The following NRG3 variants were observed in gnomAD, a reference collection of about 807,000 sequenced individuals.
NRG3 encodes the protein neuregulin 3, also known as pro-neuregulin-3, membrane-bound isoform.
In NRG3, 31 loss-of-function variants were observed where a neutral mutation model predicts 66.9. That is an observed-to-expected ratio of 0.46 (90% CI 0.35 to 0.63). The LOEUF (loss-of-function observed/expected upper bound fraction) is 0.63, where lower values mean the gene tolerates loss of function less well. NRG3 is among the 20% of genes least tolerant of loss of function. The pLI is 0.00. For synonymous variants in NRG3, 393 were observed against 359.4 expected (o/e 1.09, Z -1.06); for missense variants, 910 against 878.9 (o/e 1.04, Z -0.45).
intron 2 of NRG3, among the ~76,000 whole-genome samples, chr10:82,502,012 G>A (rs1310701426): frequency 6.6e-6 from 1 of 152,122 alleles, no homozygotes; most frequent in Non-Finnish European, 1.5e-5. Context: ...AATCAAGATG[G>A]GGATGAATGA....
At chr10:82,049,947 A>G (rs1035021060) in intron 1 of NRG3, among the ~76,000 whole-genome samples, 1 of 152,076 alleles carries the variant, frequency 6.6e-6, no homozygotes, top group African/African-American at 2.4e-5. Context: ...TTGAATTTGC[A>G]GGAATGACTT....
At chr10:82,442,082 A>G (rs766652998) in intron 2 of NRG3, among the ~76,000 whole-genome samples, 30 of 152,214 alleles carry the variant, frequency 2.0e-4, no homozygotes, top group Non-Finnish European at 4.4e-4. Context: ...ATGGTAGGAT[A>G]TAATGTGTGT....
At chr10:82,385,421 G>T (rs769273941) in intron 2 of NRG3, among the ~76,000 whole-genome samples, 5 of 152,122 alleles carry the variant, frequency 3.3e-5, no homozygotes, top group Admixed American at 6.6e-5. Flanking sequence ...TTGGAGGAAA[G>T]ATATAAAAAA....
At chr10:82,314,909 T>C (rs2081216707) in intron 1 of NRG3, among the ~76,000 whole-genome samples, 1 of 152,268 alleles carries the variant, frequency 6.6e-6, no homozygotes, top group South Asian at 2.1e-4. Flanking sequence ...TGTCCAAAAT[T>C]TATGCCATTG....
At chr10:82,942,257 C>T (rs1410951073) in intron 4 of NRG3, among the ~76,000 whole-genome samples, 1 of 152,194 alleles carries the variant, frequency 6.6e-6, no homozygotes, top group Non-Finnish European at 1.5e-5. Flanking sequence ...CTCTGTCCTC[C>T]ATACAGAGAT....
At position 82,352,884 on chromosome 10, in the gene NRG3, G is replaced by GT. The variant is rs200054765; in HGVS notation, c.824-5840dup. Among the ~76,000 whole-genome samples the GT allele has an allele frequency of 7.3e-3, 1,009 of 138,538 alleles. 1 individual carries two copies. The highest frequency in any genetic ancestry group is 0.015 in the Middle Eastern group (4 of 270). 90.9% of individuals were successfully genotyped at this position (138,538 alleles called of 152,430 possible). ...AACAGCAGTGACTGATTGCTATGTG[G>GT]TTTTTTTTTTTTTTTGCATATATTA... On this transcript the variant is annotated intron_variant, in intron 1 of 8. Transcript: ENST00000372141.
intron 1 of NRG3, among the ~76,000 whole-genome samples, chr10:82,201,870 G>A (rs771713324): frequency 1.3e-5 from 2 of 152,012 alleles, no homozygotes; most frequent in Non-Finnish European, 2.9e-5. Context: ...TTTGTGTCTA[G>A]TATGTAAGAA....
chr10:82,064,702 C>T (rs2064355499), intron 1 of NRG3, among the ~76,000 whole-genome samples: 1 of 152,078 alleles, frequency 6.6e-6, no homozygotes, highest in Non-Finnish European at 1.5e-5. Context: ...CCCAAAAGTT[C>T]CTGAAGTTCT....
At chr10:81,921,150 TAATA>T (rs536590746) in intron 1 of NRG3, among the ~76,000 whole-genome samples, 1 of 152,018 alleles carries the variant, frequency 6.6e-6, no homozygotes, top group Non-Finnish European at 1.5e-5. Flanking sequence ...AGGCTTGTTA[TAATA>T]AATAAATAAA....
chr10:82,876,387 G>A (rs1025094175), intron 4 of NRG3, among the ~76,000 whole-genome samples: 1 of 152,264 alleles, frequency 6.6e-6, no homozygotes, highest in East Asian at 1.9e-4. Flanking sequence ...TCTAGTTGAA[G>A]GATCAAGACC....
intron 2 of NRG3, among the ~76,000 whole-genome samples, chr10:82,546,163 G>A (rs2043902653): frequency 6.6e-6 from 1 of 152,136 alleles, no homozygotes; most frequent in African/African-American, 2.4e-5. Flanking sequence ...TCTTTTGAAA[G>A]TGCATAACAA....
chr10:82,738,602 C>T lies in NRG3; in HGVS notation c.979C>T (p.Arg327Cys). ...CRCKEGYQGV[R>C]CDQFLPKTDS... The stretch of plus-strand genomic sequence containing the variant: ...GTGCAAAGAAGGCTACCAAGGAGTC[C>T]GTTGTGATCAATTTCTGCCGAAAAC... The change falls in exon 3 of 9, where the codon CGT (arginine) becomes TGT (cysteine). Residue 327 changes from arginine (R) to cysteine (C), a missense_variant. Coordinates refer to ENST00000372141, the MANE Select transcript of NRG3 (RefSeq NM_001010848.4). 1 of 1,614,110 alleles carries T rather than the reference C, an allele frequency of 6.2e-7. No homozygotes were observed. The highest frequency in any genetic ancestry group is 8.5e-7 in the Non-Finnish European group (1 of 1,179,966).
intron 1 of NRG3, among the ~76,000 whole-genome samples, chr10:82,001,720 C>T (rs541587205): frequency 6.6e-6 from 1 of 151,990 alleles, no homozygotes; most frequent in East Asian, 1.9e-4. Context: ...TGATATTTTC[C>T]TGATTTCAAA....
intron 4 of NRG3, among the ~76,000 whole-genome samples, chr10:82,897,014 T>A (rs1296933947): frequency 6.6e-6 from 1 of 152,196 alleles, no homozygotes; most frequent in Non-Finnish European, 1.5e-5. Context: ...TTCGGTTTGG[T>A]GAAGGATGTC....
In NRG3 at chr10:82,497,072, G is replaced by C. The variant is rs371855008; in HGVS notation, c.953+138204G>C. Among the ~76,000 whole-genome samples, 4 of 152,168 alleles carry C rather than the reference G, an allele frequency of 2.6e-5. No homozygotes were observed. The East Asian group carries it at 7.7e-4, about 29-fold the overall frequency. ...TGACTGCCAGTCATTCTGGGTAAAA[G>C]CGTCAGGTTTTTCTTAACTCTGTTG... On this transcript the variant is annotated intron_variant, in intron 2 of 8. Transcript: ENST00000372141.
intron 3 of NRG3, among the ~76,000 whole-genome samples, chr10:82,835,459 A>C (rs1028202059): frequency 3.3e-5 from 5 of 152,220 alleles, no homozygotes; most frequent in African/African-American, 9.6e-5. Context: ...CAAAGGAAAC[A>C]GAATGGGGAG....
chr10:82,229,856 G>T (rs537833744), intron 1 of NRG3, among the ~76,000 whole-genome samples: 61 of 152,106 alleles, frequency 4.0e-4, no homozygotes, highest in Non-Finnish European at 6.3e-4. Context: ...TACATCCAAA[G>T]TTACATTGGA....
chr10:81,985,105 C>G (rs1016942987), intron 1 of NRG3, among the ~76,000 whole-genome samples: 3 of 152,120 alleles, frequency 2.0e-5, no homozygotes, highest in African/African-American at 7.2e-5. Context: ...TGTGTGCTTT[C>G]CATGAGCCAA....
At chr10:82,838,986 A>G (rs2062918469) in intron 3 of NRG3, among the ~76,000 whole-genome samples, 1 of 152,128 alleles carries the variant, frequency 6.6e-6, no homozygotes, top group South Asian at 2.1e-4. Flanking sequence ...AAACCATCAG[A>G]TCAGATCTTG....
Sources: gnomAD v4.1 joint callset for allele counts (sites outside exome capture counted in the v4.1 genomes callset) on GRCh38, gnomAD v4.1.1 for gene constraint, MANE v1.5 for transcripts, NCBI Gene and HGNC (gene_info 2026-07-23, HGNC 2026-07-21) for gene names.